COX6A1: variants seen among roughly 807,000 people sequenced by gnomAD.
COX6A1 encodes the protein cytochrome c oxidase subunit 6A1, mitochondrial.
In COX6A1, 10 loss-of-function variants were observed where a neutral mutation model predicts 11.3. The observed-to-expected ratio is 0.88, with a 90% confidence interval of 0.54 to 1.50. The LOEUF is 1.50. Among genes scored for constraint, COX6A1 ranks in the 40% most tolerant of loss-of-function variants. The pLI is 0.00. For missense variants in COX6A1, 149 were observed against 147.6 expected (o/e 1.01, Z -0.05); for synonymous variants, 81 against 60.6 (o/e 1.34, Z -1.57).
intron 2 of COX6A1, among the ~76,000 whole-genome samples, chr12:120,439,430 G>T (rs1877661103): frequency 6.6e-6 from 1 of 152,036 alleles, no homozygotes; most frequent in Non-Finnish European, 1.5e-5. Flanking sequence ...GGGAGGCTGC[G>T]GTGGGAGAAT....
chr12:120,439,736 G>A lies in COX6A1; in HGVS notation c.247-718G>A, dbSNP rs544855959. 2.6e-5 allele frequency among the ~76,000 whole-genome samples: 4 copies of A among 152,260 alleles called. No individual in the cohort carries two copies. The South Asian group carries it at 8.3e-4, about 32-fold the overall frequency. On this transcript the variant is annotated intron_variant, in intron 2 of 2. Transcript: ENST00000229379. ...ATGCAATTAGAAGCCAAACAGTAAAGGTTTCTCAGCCTCAGCACTGTTGAC... is the reference window on the plus strand; with the variant it reads ...ATGCAATTAGAAGCCAAACAGTAAAAGTTTCTCAGCCTCAGCACTGTTGAC...
chr12:120,439,356 A>G (rs552152305), intron 2 of COX6A1, among the ~76,000 whole-genome samples: 11 of 152,082 alleles, frequency 7.2e-5, no homozygotes, highest in East Asian at 1.9e-4. Flanking sequence ...GCGAAACACT[A>G]TCTCTACTAA....
rs1181224626 is a variant in COX6A1 at position 120,438,629 on chromosome 12, T to C, written c.246+108T>C. 3 of 1,458,082 alleles carry C rather than the reference T, an allele frequency of 2.1e-6. No individual in the cohort carries two copies. The Admixed American group carries it at 5.2e-5, about 25-fold the overall frequency. The allele number at this position is 1,458,082 out of a possible 1,614,324, so 90.3% of individuals were successfully genotyped here. ...ATGGGTGCCAGGCGTGTACAGCTTG[T>C]TTATCCTCACAAACAGAAAATGTAT... On this transcript the variant is annotated intron_variant, in intron 2 of 2. Coordinates refer to ENST00000229379, the MANE Select transcript of COX6A1 (RefSeq NM_004373.4).
intron 2 of COX6A1, among the ~76,000 whole-genome samples, chr12:120,439,384 G>A (rs1163888662): frequency 6.6e-6 from 1 of 151,960 alleles, no homozygotes; most frequent in African/African-American, 2.4e-5. Flanking sequence ...AAAAGTAGCC[G>A]GGCGTGGTGG....
At chr12:120,438,591 A>G (rs1309397334) in intron 2 of COX6A1, 70 bp downstream of exon 2, 2 of 1,606,744 alleles carry the variant, frequency 1.2e-6, no homozygotes, top group Non-Finnish European at 1.7e-6. Context: ...CAAGTTCTTC[A>G]TTCTCTGAAG....
chr12:120,438,602 G>A (rs551137628), intron 2 of COX6A1, 81 bp downstream of exon 2: 8 of 1,590,874 alleles, frequency 5.0e-6, no homozygotes, highest in Middle Eastern at 1.7e-4. Flanking sequence ...TTCTCTGAAG[G>A]CATGGGTGCC....
Position 120,440,440 on chromosome 12 carries a change from T to C in COX6A1, c.247-14T>C. The C allele has an allele frequency of 6.2e-7, 1 of 1,601,240 alleles. No homozygotes were observed. The highest frequency in any genetic ancestry group is 8.6e-7 in the Non-Finnish European group (1 of 1,168,384). On this transcript the variant is annotated splice_polypyrimidine_tract_variant and intron_variant, in intron 2 of 2. Transcript: ENST00000229379. Reference sequence around the variant, plus strand: ...ATTTTCTGGAATTATCTAACTGACATCTTCACTCCACAGCCGTTTCCCTGG... The same window carrying C: ...ATTTTCTGGAATTATCTAACTGACACCTTCACTCCACAGCCGTTTCCCTGG...
At chr12:120,438,663 AT>A in intron 2 of COX6A1, 142 bp downstream of exon 2, 1 of 1,159,106 alleles carries the variant, frequency 8.6e-7, no homozygotes, top group Non-Finnish European at 1.3e-6. Flanking sequence ...ATTTTCTTCC[AT>A]TTTGTGGATG....
At chr12:120,438,788 CTTTTTTTTTTTT>C (rs376239130) in intron 2 of COX6A1, 26 of 120,076 alleles carry the variant, frequency 2.2e-4, no homozygotes, top group East Asian at 7.1e-4. Flanking sequence ...TGAGACAGTT[CTTTTTTTTTTTT>C]TTTTTTTTTT....
chr12:120,440,001 G>C (rs773848305), intron 2 of COX6A1: 13 of 153,632 alleles, frequency 8.5e-5, no homozygotes, highest in Non-Finnish European at 1.6e-4. Flanking sequence ...TAATAGGCAA[G>C]ATAATTCAGG....
rs376239130 is a variant in COX6A1, at chr12:120,438,788, C to CTTTTTTT, written c.246+287_246+293dup. 2.0e-3 allele frequency: 236 copies of CTTTTTTT among 120,082 alleles called. 32 individuals carry two copies. The highest frequency in any genetic ancestry group is 0.01 in the African/African-American group (196 of 18,954). The allele number at this position is 120,082 out of a possible 1,614,324, so 7.4% of individuals were successfully genotyped here. ...CTACCTCCTGCCTTCTGAGACAGTT[C>CTTTTTTT]TTTTTTTTTTTTTTTTTTTTTTTTT... is the stretch of plus-strand genomic sequence containing the variant. On this transcript the variant is annotated intron_variant, in intron 2 of 2. Transcript: ENST00000229379.
intron 1 of COX6A1, 51 bp downstream of exon 1, chr12:120,438,280 C>T: frequency 6.8e-6 from 11 of 1,612,196 alleles, no homozygotes; most frequent in South Asian, 1.1e-5. Flanking sequence ...TCGGGCGAGA[C>T]AGGGAGGGAC....
intron 2 of COX6A1, chr12:120,438,904 T>G (rs1877647422): frequency 1.0e-5 from 2 of 198,522 alleles, no homozygotes; most frequent in Non-Finnish European, 2.1e-5. Context: ...TGAAGGTGGT[T>G]CGCGTAAGCG....
Position 120,440,728 on chromosome 12 carries a change from T to C in COX6A1, c.*191T>C. ...GATGGCTTAAATAAATAACTTAAAT[T>C]TAGATTGGTCATGAGCTGAGAGTTA... is the stretch of plus-strand genomic sequence containing the variant. On this transcript the variant is annotated 3_prime_UTR_variant, in exon 3 of 3. Transcript: ENST00000229379. 1 of 501,192 alleles carries C rather than the reference T, an allele frequency of 2.0e-6. No homozygotes were observed. Among genetic ancestry groups the C allele is most frequent in the Non-Finnish European group, 3.7e-6 (1 of 271,866 alleles). 31.0% of individuals were successfully genotyped at this position (501,192 alleles called of 1,614,324 possible).
intron 2 of COX6A1, 93 bp downstream of exon 2, chr12:120,438,614 G>A: frequency 6.5e-7 from 1 of 1,546,482 alleles, no homozygotes; most frequent in Admixed American, 1.7e-5. Flanking sequence ...ATGGGTGCCA[G>A]GCGTGTACAG....
chr12:120,439,395 C>G (rs892263231), intron 2 of COX6A1, among the ~76,000 whole-genome samples: 5 of 151,980 alleles, frequency 3.3e-5, no homozygotes, highest in Admixed American at 3.3e-4. Context: ...GGCGTGGTGG[C>G]GGGCGCCTGT....
chr12:120,438,160 C>G lies in COX6A1; in HGVS notation c.34C>G (p.Leu12Val). ...AGTTGGTGTGTCCTCGGTTTCTCGG[C>G]TGCTGGGTCGGTCCCGCCCACAGCT... The part of the protein sequence containing the change: ...AVVGVSSVSR[L>V]LGRSRPQLGR... Residue 12 changes from leucine (L) to valine (V), a missense_variant, in exon 1 of 3, where the codon CTG (leucine) becomes GTG (valine). Leu to Val is a conservative substitution (Grantham distance 32). Coordinates refer to ENST00000229379, the MANE Select transcript of COX6A1 (RefSeq NM_004373.4). 2 of 1,613,870 alleles carry G rather than the reference C, an allele frequency of 1.2e-6. No homozygotes were observed. Among genetic ancestry groups the G allele is most frequent in the South Asian group, 1.1e-5 (1 of 91,066 alleles).
intron 2 of COX6A1, among the ~76,000 whole-genome samples, chr12:120,439,022 A>C (rs1877650496): frequency 6.6e-6 from 1 of 151,634 alleles, no homozygotes; most frequent in Non-Finnish European, 1.5e-5. Flanking sequence ...TGGGCAACAG[A>C]GCGAGACTCT....
In COX6A1 at chr12:120,438,562, C is replaced by G. The variant is rs993852017; in HGVS notation, c.246+41C>G. ...TCTCTTCAAGCGTCCGTTCTCTTTT[C>G]GTTATGTGTGCCTTAGTGCAAGTTC... On this transcript the variant is annotated intron_variant, in intron 2 of 2. Coordinates refer to ENST00000229379, the MANE Select transcript of COX6A1 (RefSeq NM_004373.4). The G allele has an allele frequency of 3.7e-6, 6 of 1,613,980 alleles. No homozygotes were observed. In the South Asian group the frequency reaches 6.6e-5, roughly 18 times the overall value.
Sources: allele counts gnomAD v4.1 joint callset (sites outside exome capture counted in the v4.1 genomes callset), GRCh38; gene constraint gnomAD v4.1.1; transcripts MANE v1.5; gene names NCBI Gene and HGNC (gene_info 2026-07-23, HGNC 2026-07-21).